Variants in RCOR3 observed in about 807,000 individuals in gnomAD.
RCOR3 encodes the protein REST corepressor 3.
In RCOR3, 13 loss-of-function variants were observed where a neutral mutation model predicts 64.1. That is an observed-to-expected ratio of 0.20 (90% CI 0.13 to 0.32). The LOEUF is 0.32. Ranked by LOEUF, RCOR3 falls within the 10% of genes least tolerant of loss-of-function variation. The probability of loss-of-function intolerance (pLI) is 1.00; values close to 1 mark genes in which losing one functional copy is unlikely to be tolerated. For missense variants in RCOR3, 489 were observed against 701.2 expected (o/e 0.70, Z 3.42); for synonymous variants, 215 against 239.0 (o/e 0.90, Z 0.93).
intron 9 of RCOR3, among the ~76,000 whole-genome samples, chr1:211,297,212 A>C (rs574318173): frequency 6.6e-6 from 1 of 152,270 alleles, no homozygotes; most frequent in South Asian, 2.1e-4. Flanking sequence ...AAATTATAGG[A>C]CAGTCTCACT....
At chr1:211,283,064 C>A (rs1436056691) in intron 7 of RCOR3, among the ~76,000 whole-genome samples, 1 of 152,144 alleles carries the variant, frequency 6.6e-6, no homozygotes, top group African/African-American at 2.4e-5. Context: ...GCAACTTATT[C>A]ACTCTCCAAT....
chr1:211,274,768 C>G (rs1457929348), intron 4 of RCOR3, among the ~76,000 whole-genome samples: 1 of 151,606 alleles, frequency 6.6e-6, no homozygotes, highest in Non-Finnish European at 1.5e-5. Flanking sequence ...TGTTAGGTAA[C>G]TTCAAAAGGA....
At chr1:211,273,429 C>G (rs1192047842) in intron 3 of RCOR3, among the ~76,000 whole-genome samples, 1 of 152,098 alleles carries the variant, frequency 6.6e-6, no homozygotes, top group African/African-American at 2.4e-5. Context: ...CACTGCTTCT[C>G]AAAAATATTT....
chr1:211,280,613 C>T (rs186786466), intron 7 of RCOR3, among the ~76,000 whole-genome samples: 30 of 152,110 alleles, frequency 2.0e-4, no homozygotes, highest in African/African-American at 5.8e-4. Context: ...ACTCTTTCTC[C>T]ACCAGTTATC....
At chr1:211,269,850 A>T (rs968480018) in intron 2 of RCOR3, among the ~76,000 whole-genome samples, 1 of 151,642 alleles carries the variant, frequency 6.6e-6, no homozygotes, top group African/African-American at 2.4e-5. Flanking sequence ...ATTAGAGGCT[A>T]GGTGTGGTGG....
chr1:211,294,427 T>A (rs1363993677), intron 8 of RCOR3, among the ~76,000 whole-genome samples: 1 of 152,068 alleles, frequency 6.6e-6, no homozygotes, highest in African/African-American at 2.4e-5. Context: ...AAACAAATCA[T>A]TTAGATTGTG....
At position 211,315,927 on chromosome 1, in the gene RCOR3, C is replaced by T. The variant is rs1302972764; in HGVS notation, c.*2159C>T. On this transcript the variant is annotated 3_prime_UTR_variant, in exon 12 of 12. Coordinates refer to ENST00000419091, the MANE Select transcript of RCOR3 (RefSeq NM_001136223.3). ...TTGCATATTTTGTAAATATTTTGCA[C>T]GTCATTATTTTTCTTTTTTGTTTAA... is the stretch of plus-strand genomic sequence containing the variant. The T allele has an allele frequency of 6.6e-6, 1 of 152,106 alleles. No homozygotes were observed. The highest frequency in any genetic ancestry group is 1.5e-5 in the Non-Finnish European group (1 of 68,010). 9.4% of individuals were successfully genotyped at this position (152,106 alleles called of 1,614,324 possible).
chr1:211,287,494 T>G (rs1182545946), intron 7 of RCOR3, among the ~76,000 whole-genome samples: 1 of 152,228 alleles, frequency 6.6e-6, no homozygotes, highest in Non-Finnish European at 1.5e-5. Context: ...ATCAGCAATT[T>G]TAGTAGTGCC....
At chr1:211,267,482 C>T (rs948513375) in intron 2 of RCOR3, among the ~76,000 whole-genome samples, 1 of 152,186 alleles carries the variant, frequency 6.6e-6, no homozygotes, top group African/African-American at 2.4e-5. Context: ...GTATGCTGCT[C>T]CTCTATCTAC....
At chr1:211,263,897 T>A (rs1694777539) in intron 2 of RCOR3, among the ~76,000 whole-genome samples, 1 of 152,126 alleles carries the variant, frequency 6.6e-6, no homozygotes, top group South Asian at 2.1e-4. Flanking sequence ...CTTGGCTCAC[T>A]GCAACCTCCA....
At chr1:211,299,016 A>T (rs1330728301) in intron 9 of RCOR3, among the ~76,000 whole-genome samples, 1 of 150,584 alleles carries the variant, frequency 6.6e-6, no homozygotes, top group African/African-American at 2.4e-5. Flanking sequence ...CAAAAAAAAA[A>T]AGAAAAGAAA....
chr1:211,296,401 C>T (rs958386521), intron 9 of RCOR3, among the ~76,000 whole-genome samples: 12 of 151,968 alleles, frequency 7.9e-5, no homozygotes, highest in Non-Finnish European at 1.0e-4. Flanking sequence ...TTTTTTCTCT[C>T]TTTAACATTT....
chr1:211,308,424 C>T (rs1350035747), intron 10 of RCOR3, among the ~76,000 whole-genome samples: 1 of 152,086 alleles, frequency 6.6e-6, no homozygotes, highest in African/African-American at 2.4e-5. Context: ...AATACACGCT[C>T]CCAAATGGCT....
chr1:211,262,182 C>T lies in RCOR3; in HGVS notation c.223+2018C>T, dbSNP rs191340247. The stretch of plus-strand genomic sequence containing the variant: ...CCTCCTGAGTAGCTGGGACTACAGG[C>T]ACACGCCACCATGCCTGGCTAATTT... On this transcript the variant is annotated intron_variant, in intron 2 of 11. Transcript: ENST00000419091. 3.3e-3 allele frequency among the ~76,000 whole-genome samples: 494 copies of T among 151,170 alleles called. 2 individuals are homozygous for T. Among genetic ancestry groups the T allele is most frequent in the African/African-American group, 0.011 (467 of 41,228 alleles).
At chr1:211,274,321 A>T in intron 4 of RCOR3, 59 bp downstream of exon 4, 2 of 1,194,540 alleles carry the variant, frequency 1.7e-6, no homozygotes, top group Non-Finnish European at 2.5e-6. Context: ...AATCTAGATT[A>T]TCTCATGATA....
chr1:211,313,375 T>C lies in RCOR3; in HGVS notation c.1318-49T>C. ...CAGCCCAAACTATATTGTATTAAGTTCATTAGGACTTACATCTCATACGTG... is the reference window on the plus strand; with the variant it reads ...CAGCCCAAACTATATTGTATTAAGTCCATTAGGACTTACATCTCATACGTG... On this transcript the variant is annotated intron_variant, in intron 11 of 11. Coordinates refer to ENST00000419091, the MANE Select transcript of RCOR3 (RefSeq NM_001136223.3). This position sits in a 1 kb window ranked among gnomAD's most constrained non-coding sequence, Gnocchi z 4.7. 1 of 1,560,888 alleles carries C rather than the reference T, an allele frequency of 6.4e-7. No homozygotes were observed.
At chr1:211,267,240 C>G (rs950042198) in intron 2 of RCOR3, among the ~76,000 whole-genome samples, 3 of 152,074 alleles carry the variant, frequency 2.0e-5, no homozygotes, top group East Asian at 1.9e-4. Context: ...TAGATTTATC[C>G]AAGGTGACAC....
chr1:211,288,947 A>T (rs931235205), intron 7 of RCOR3, among the ~76,000 whole-genome samples: 1 of 152,190 alleles, frequency 6.6e-6, no homozygotes, highest in Admixed American at 6.5e-5. Context: ...CCTAAAAATC[A>T]AACATTTGAT....
At chr1:211,289,425 A>AT in intron 8 of RCOR3, 29 bp downstream of exon 8, 1 of 1,537,368 alleles carries the variant, frequency 6.5e-7, no homozygotes, top group Non-Finnish European at 8.9e-7. Context: ...ATTTTTAATG[A>AT]TTCTGTGCAT....
Sources: gnomAD v4.1 joint callset for allele counts (sites outside exome capture counted in the v4.1 genomes callset) on GRCh38, gnomAD v4.1.1 for gene constraint, Gnocchi (gnomAD v3.1) non-coding constraint, MANE v1.5 for transcripts, NCBI Gene and HGNC (gene_info 2026-07-23, HGNC 2026-07-21) for gene names.